ADRA2C: variants seen among roughly 807,000 people sequenced by gnomAD.
ADRA2C encodes adrenoceptor alpha 2C.
Under a neutral mutation model 7.9 loss-of-function variants are expected in ADRA2C, and 4 were observed. The observed-to-expected ratio is 0.51, with a 90% CI of 0.25 to 1.16. The LOEUF is 1.16. Among genes scored for constraint, ADRA2C ranks in the 50% most tolerant of loss-of-function variants. ADRA2C has a pLI of 0.15. For synonymous variants in ADRA2C, 368 were observed against 328.9 expected (o/e 1.12, Z -1.29); for missense variants, 589 against 677.7 (o/e 0.87, Z 1.45).
chr4:3,766,497 G>A lies in ADRA2C; in HGVS notation c.-110G>A. 1.2e-6 allele frequency: 1 copy of A among 810,146 alleles called. No individual in the cohort carries two copies. The highest frequency in any genetic ancestry group is 1.9e-5 in the African/African-American group (1 of 53,402). 50.2% of individuals were successfully genotyped at this position (810,146 alleles called of 1,614,324 possible). A position where few individuals can be genotyped will look rare whatever the true frequency, so the allele number is the denominator to read the frequency against. The stretch of plus-strand genomic sequence containing the variant: ...CTGGGCGCCGCGGTCCCCGGCGGGC[G>A]CGCCCGAGCAGCAGGCGGCGATGCG... On this transcript the variant is annotated 5_prime_UTR_variant, in exon 1 of 1. Transcript: ENST00000330055. This position sits in a 1 kb window ranked among gnomAD's most constrained non-coding sequence, Gnocchi z 4.5.
rs1577304172 is a variant in ADRA2C at position 3,766,583 on chromosome 4, G to C, written c.-24G>C. 3 of 1,158,512 alleles carry C rather than the reference G, an allele frequency of 2.6e-6. No individual in the cohort carries two copies. The East Asian group carries it at 1.2e-4, about 48-fold the overall frequency. 71.8% of individuals were successfully genotyped at this position (1,158,512 alleles called of 1,614,324 possible). ...GCGGCTGCGCCCCGGCTCCAGGAGG[G>C]ACGGCGTAGCTCGCGGGAGGACCAT... On this transcript the variant is annotated 5_prime_UTR_variant, in exon 1 of 1. Coordinates refer to ENST00000330055, the MANE Select transcript of ADRA2C (RefSeq NM_000683.4). The surrounding 1 kb of genome is among the most constrained non-coding windows in gnomAD (Gnocchi z 4.5).
Position 3,767,041 on chromosome 4 carries a change from C to T in ADRA2C, c.435C>T (p.Ile145=). 1 of 1,611,422 alleles carries T rather than the reference C, an allele frequency of 6.2e-7. No homozygotes were observed. Among genetic ancestry groups the T allele is most frequent in the South Asian group, 1.1e-5 (1 of 91,088 alleles). The part of the protein sequence containing the change: ...CTSSIVHLCA[I]SLDRYWSVTQ... ...CGTCGATCGTGCATCTGTGTGCCAT[C>T]AGCCTGGACCGCTACTGGTCGGTGA... The change falls in exon 1 of 1, where the codon ATC becomes ATT. Residue 145 remains isoleucine, a synonymous_variant. Coordinates refer to ENST00000330055, the MANE Select transcript of ADRA2C (RefSeq NM_000683.4).
chr4:3,767,421 A>G lies in ADRA2C; in HGVS notation c.815A>G (p.Glu272Gly). ...CTGGGCGCGGCGGCAGGCGCAGGCGAGAACGGGCACTGCGCGCCCCCGCCC... is the reference window on the plus strand; with the variant it reads ...CTGGGCGCGGCGGCAGGCGCAGGCGGGAACGGGCACTGCGCGCCCCCGCCC... ...NGLGAAAGAGENGHCAPPPAD... is the reference protein window; with the variant it reads ...NGLGAAAGAGGNGHCAPPPAD... The change falls in exon 1 of 1, where the codon GAG becomes GGG. Residue 272 changes from glutamate to glycine, a missense_variant. Physicochemically the swap from Glu to Gly is moderately conservative, Grantham distance 98 (BLOSUM62 -2). Transcript: ENST00000330055. 6.5e-7 allele frequency: 1 copy of G among 1,527,992 alleles called. No homozygotes were observed. Among genetic ancestry groups the G allele is most frequent in the Non-Finnish European group, 8.7e-7 (1 of 1,143,176 alleles). 94.7% of individuals were successfully genotyped at this position (1,527,992 alleles called of 1,614,324 possible). A position where few individuals can be genotyped will look rare whatever the true frequency, so the allele number is the denominator to read the frequency against.
At position 3,766,756 on chromosome 4, in the gene ADRA2C, G is replaced by C. The variant is rs760989411; in HGVS notation, c.150G>C (p.Ala50=). 5.2e-6 allele frequency: 8 copies of C among 1,527,252 alleles called. No homozygotes were observed. The highest frequency in any genetic ancestry group is 7.0e-6 in the Non-Finnish European group (8 of 1,135,264). 94.6% of individuals were successfully genotyped at this position (1,527,252 alleles called of 1,614,324 possible). The part of the protein sequence containing the change: ...GPPRGQYSAG[A]VAGLAAVVGF... ...CGCGCGGCCAGTACTCGGCGGGCGC[G>C]GTGGCAGGGCTGGCTGCCGTGGTGG... The change falls in exon 1 of 1, where the codon GCG becomes GCC. Residue 50 remains alanine (A), a synonymous_variant. Transcript: ENST00000330055. This position sits in a 1 kb window ranked among gnomAD's most constrained non-coding sequence, Gnocchi z 4.5.
In ADRA2C at chr4:3,767,499, G is replaced by A; in HGVS notation, c.893G>A (p.Arg298Gln). The A allele has an allele frequency of 8.8e-7, 1 of 1,141,108 alleles. No individual in the cohort carries two copies. The highest frequency in any genetic ancestry group is 1.1e-6 in the Non-Finnish European group (1 of 930,788). The allele number at this position is 1,141,108 out of a possible 1,614,324, so 70.7% of individuals were successfully genotyped here. Reference protein sequence around the residue: ...SSAAAERRRRRGALRRGGRRR... With the variant: ...SSAAAERRRRQGALRRGGRRR... ...GCAGCGGCCGAGAGGCGGCGGCGCC[G>A]GGGCGCGTTGCGGCGGGGCGGGCGG... is the stretch of plus-strand genomic sequence containing the variant. Residue 298 changes from arginine to glutamine, a missense_variant, in exon 1 of 1, where the codon CGG (arginine) becomes CAG (glutamine). Transcript: ENST00000330055.
chr4:3,767,206 G>T lies in ADRA2C; in HGVS notation c.600G>T (p.Pro200=). ...LYRQPDGAAY[P]QCGLNDETWY... ...GCCAGCCCGACGGCGCCGCCTACCC[G>T]CAGTGCGGCCTCAACGACGAGACCT... The change falls in exon 1 of 1, where the codon CCG becomes CCT. Residue 200 remains proline, a synonymous_variant. Coordinates refer to ENST00000330055, the MANE Select transcript of ADRA2C (RefSeq NM_000683.4). 15 of 1,610,402 alleles carry T rather than the reference G, an allele frequency of 9.3e-6. No individual in the cohort carries two copies. The highest frequency in any genetic ancestry group is 1.7e-5 in the Admixed American group (1 of 59,884).
rs527926159 is a variant in ADRA2C, at chr4:3,767,080, G to A, written c.474G>A (p.Glu158=). ...DRYWSVTQAV[E]YNLKRTPRRV... is the part of the protein sequence containing the mutation. ...ACTGGTCGGTGACGCAGGCCGTCGA[G>A]TACAACCTGAAGCGCACACCACGCC... The change falls in exon 1 of 1, where the codon GAG becomes GAA. Residue 158 remains glutamate (E), a synonymous_variant. Coordinates refer to ENST00000330055, the MANE Select transcript of ADRA2C (RefSeq NM_000683.4). 2 of 1,610,498 alleles carry A rather than the reference G, an allele frequency of 1.2e-6. No homozygotes were observed. The highest frequency in any genetic ancestry group is 1.1e-5 in the South Asian group (1 of 91,086).
rs915606969 is a variant in ADRA2C, at chr4:3,767,554, C to A, written c.948C>A (p.Gly316=). 1.9e-6 allele frequency: 2 copies of A among 1,059,160 alleles called. No individual in the cohort carries two copies. Among genetic ancestry groups the A allele is most frequent in the African/African-American group, 1.7e-5 (1 of 59,572 alleles). The allele number at this position is 1,059,160 out of a possible 1,614,324, so 65.6% of individuals were successfully genotyped here. A position where few individuals can be genotyped will look rare whatever the true frequency, so the allele number is the denominator to read the frequency against. The change falls in exon 1 of 1, where the codon GGC becomes GGA. Residue 316 remains glycine (G), a synonymous_variant. Transcript: ENST00000330055. ...GAGCGGGCGCGGAGGGGGGCGCGGG[C>A]GGTGCGGACGGGCAGGGGGCGGGGC... is the stretch of plus-strand genomic sequence containing the variant. ...RRRAGAEGGA[G]GADGQGAGPG...
In ADRA2C at chr4:3,767,448, C is replaced by T. The variant is rs1306630441; in HGVS notation, c.842C>T (p.Ala281Val). The change falls in exon 1 of 1, where the codon GCC becomes GTC. Residue 281 changes from alanine to valine, a missense_variant. Coordinates refer to ENST00000330055, the MANE Select transcript of ADRA2C (RefSeq NM_000683.4). ...GENGHCAPPPADVEPDESSAA... is the reference protein window; with the variant it reads ...GENGHCAPPPVDVEPDESSAA... ...AACGGGCACTGCGCGCCCCCGCCCG[C>T]CGACGTGGAGCCGGACGAGAGCAGC... The T allele has an allele frequency of 6.7e-7, 1 of 1,496,092 alleles. No individual in the cohort carries two copies. Among genetic ancestry groups the T allele is most frequent in the Non-Finnish European group, 8.8e-7 (1 of 1,133,044 alleles). 92.7% of individuals were successfully genotyped at this position (1,496,092 alleles called of 1,614,324 possible).
rs779094407 is a variant in ADRA2C, at chr4:3,767,608, C to T, written c.1002C>T (p.Thr334=). 2.3e-6 allele frequency: 3 copies of T among 1,315,012 alleles called. No individual in the cohort carries two copies. Among genetic ancestry groups the T allele is most frequent in the Non-Finnish European group, 2.9e-6 (3 of 1,039,420 alleles). 81.5% of individuals were successfully genotyped at this position (1,315,012 alleles called of 1,614,324 possible). The change falls in exon 1 of 1, where the codon ACC becomes ACT. Residue 334 remains threonine, a synonymous_variant. Transcript: ENST00000330055. ...GPGAAESGAL[T]ASRSPGPGGR... is the part of the protein sequence containing the mutation. ...GGGCGGCTGAGTCGGGGGCGCTGAC[C>T]GCCTCCAGGTCCCCGGGGCCCGGTG...
rs1735502586 is a variant in ADRA2C, at chr4:3,768,155, C to T, written c.*160C>T. ...GGAGCTTGGCAGAGAGATAGCCGGG[C>T]TCCAGGGAGTGGGGAGGAGAGAGGG... is the stretch of plus-strand genomic sequence containing the variant. On this transcript the variant is annotated 3_prime_UTR_variant, in exon 1 of 1. Transcript: ENST00000330055. 2.6e-6 allele frequency: 2 copies of T among 762,538 alleles called. No homozygotes were observed. Among genetic ancestry groups the T allele is most frequent in the African/African-American group, 1.7e-5 (1 of 57,852 alleles). 47.2% of individuals were successfully genotyped at this position (762,538 alleles called of 1,614,324 possible).
chr4:3,768,062 G>GGGGGAGCCTTCCCAGAGACCC lies in ADRA2C; in HGVS notation c.*74_*75insCTTCCCAGAGACCCGGGGAGC. On this transcript the variant is annotated 3_prime_UTR_variant, in exon 1 of 1. Transcript: ENST00000330055. Reference sequence around the variant, plus strand: ...GCTGGGCAGAAGGGGCGGCCCGGACGGGGGAGCTTTCCCAGAGACCCGGGG... The same window carrying GGGGGAGCCTTCCCAGAGACCC: ...GCTGGGCAGAAGGGGCGGCCCGGACGGGGGAGCCTTCCCAGAGACCCGGGGAGCTTTCCCAGAGACCCGGGG... 8.6e-7 allele frequency: 1 copy of GGGGGAGCCTTCCCAGAGACCC among 1,157,758 alleles called. No individual in the cohort carries two copies. The highest frequency in any genetic ancestry group is 1.9e-5 in the South Asian group (1 of 52,200). 71.7% of individuals were successfully genotyped at this position (1,157,758 alleles called of 1,614,324 possible).
chr4:3,768,288 A>G lies in ADRA2C; in HGVS notation c.*293A>G, dbSNP rs1403237556. On this transcript the variant is annotated 3_prime_UTR_variant, in exon 1 of 1. Transcript: ENST00000330055. ...GGTGTGGCTGTGAGGTCAGGGTTTTAGAGAGCAGTGGCAGAGGTAGCCCCC... is the reference window on the plus strand; with the variant it reads ...GGTGTGGCTGTGAGGTCAGGGTTTTGGAGAGCAGTGGCAGAGGTAGCCCCC... 3 of 717,200 alleles carry G rather than the reference A, an allele frequency of 4.2e-6. No individual in the cohort carries two copies. Among genetic ancestry groups the G allele is most frequent in the African/African-American group, 1.7e-5 (1 of 57,376 alleles). The allele number at this position is 717,200 out of a possible 1,614,324, so 44.4% of individuals were successfully genotyped here.
Position 3,766,959 on chromosome 4 carries a change from A to G in ADRA2C, c.353A>G (p.Tyr118Cys). The G allele has an allele frequency of 6.2e-7, 1 of 1,611,032 alleles. No individual in the cohort carries two copies. The highest frequency in any genetic ancestry group is 1.6e-4 in the Middle Eastern group (1 of 6,062). ...SLANELMAYW[Y>C]FGQVWCGVYL... is the part of the protein sequence containing the mutation. The stretch of plus-strand genomic sequence containing the variant: ...GCCAACGAGCTCATGGCCTACTGGT[A>G]CTTCGGGCAGGTGTGGTGCGGCGTG... Residue 118 changes from tyrosine (Y) to cysteine (C), a missense_variant, in exon 1 of 1, where the codon TAC (tyrosine) becomes TGC (cysteine). Transcript: ENST00000330055. The surrounding 1 kb of genome is among the most constrained non-coding windows in gnomAD (Gnocchi z 4.5).
chr4:3,768,071 T>TGCCCAGAGACCCGGGGAGCTC lies in ADRA2C; in HGVS notation c.*76_*77insGCCCAGAGACCCGGGGAGCTC. On this transcript the variant is annotated 3_prime_UTR_variant, in exon 1 of 1. Coordinates refer to ENST00000330055, the MANE Select transcript of ADRA2C (RefSeq NM_000683.4). ...AAGGGGCGGCCCGGACGGGGGAGCT[T>TGCCCAGAGACCCGGGGAGCTC]TCCCAGAGACCCGGGGATGGATTGG... The TGCCCAGAGACCCGGGGAGCTC allele has an allele frequency of 6.8e-7, 1 of 1,473,146 alleles. No individual in the cohort carries two copies. The highest frequency in any genetic ancestry group is 9.2e-7 in the Non-Finnish European group (1 of 1,087,090). 91.3% of individuals were successfully genotyped at this position (1,473,146 alleles called of 1,614,324 possible).
Position 3,768,121 on chromosome 4 carries a change from G to A in ADRA2C, c.*126G>A, listed in dbSNP as rs751046927. On this transcript the variant is annotated 3_prime_UTR_variant, in exon 1 of 1. Transcript: ENST00000330055. ...GCCTCCAGGGCGCAGGGGAGGGTGC[G>A]GCAGGGCAGGAGCTTGGCAGAGAGA... The A allele has an allele frequency of 3.5e-5, 18 of 508,992 alleles. No homozygotes were observed. In the Admixed American group the frequency reaches 4.8e-4, roughly 14 times the overall value. 31.5% of individuals were successfully genotyped at this position (508,992 alleles called of 1,614,324 possible).
chr4:3,767,761 T>G lies in ADRA2C; in HGVS notation c.1155T>G (p.Ala385=), dbSNP rs1735488320. ...AGAAGCGCTTCACCTTTGTGCTGGC[T>G]GTGGTCATGGGCGTGTTCGTGCTCT... The part of the protein sequence containing the change: ...AREKRFTFVL[A]VVMGVFVLCW... Residue 385 remains alanine (A), a synonymous_variant, in exon 1 of 1, where the codon GCT becomes GCG. Coordinates refer to ENST00000330055, the MANE Select transcript of ADRA2C (RefSeq NM_000683.4). 6.2e-7 allele frequency: 1 copy of G among 1,613,060 alleles called. No homozygotes were observed. Among genetic ancestry groups the G allele is most frequent in the Non-Finnish European group, 8.5e-7 (1 of 1,179,804 alleles).
In ADRA2C at chr4:3,767,132, T is replaced by C. The variant is rs1472843513; in HGVS notation, c.526T>C (p.Trp176Arg). Residue 176 changes from tryptophan (W) to arginine (R), a missense_variant, in exon 1 of 1, where the codon TGG becomes CGG. Coordinates refer to ENST00000330055, the MANE Select transcript of ADRA2C (RefSeq NM_000683.4). ...RRVKATIVAV[W>R]LISAVISFPP... The stretch of plus-strand genomic sequence containing the variant: ...CGTCAAGGCCACCATCGTGGCCGTG[T>C]GGCTCATCTCGGCCGTCATCTCCTT... 1 of 1,608,992 alleles carries C rather than the reference T, an allele frequency of 6.2e-7. No individual in the cohort carries two copies. The highest frequency in any genetic ancestry group is 8.5e-7 in the Non-Finnish European group (1 of 1,179,824).
rs777061040 is a variant in ADRA2C at position 3,766,867 on chromosome 4, C to G, written c.261C>G (p.Asn87Lys). 6.2e-7 allele frequency: 1 copy of G among 1,604,710 alleles called. No individual in the cohort carries two copies. Among genetic ancestry groups the G allele is most frequent in the East Asian group, 2.2e-5 (1 of 44,534 alleles). ...GCCGGGCGCTGCGCGCGCCACAGAA[C>G]CTCTTCCTGGTGTCGCTGGCCTCGG... ...LTSRALRAPQ[N>K]LFLVSLASAD... is the part of the protein sequence containing the mutation. Residue 87 changes from asparagine to lysine, a missense_variant, in exon 1 of 1, where the codon AAC becomes AAG. By Grantham distance (94) the Asn-to-Lys change is moderately conservative (BLOSUM62 0). Transcript: ENST00000330055. The surrounding 1 kb of genome is among the most constrained non-coding windows in gnomAD (Gnocchi z 4.5).
Sources: gnomAD v4.1 joint callset for allele counts on GRCh38, gnomAD v4.1.1 for gene constraint, Gnocchi (gnomAD v3.1) non-coding constraint, MANE v1.5 for transcripts, NCBI Gene and HGNC (gene_info 2026-07-23, HGNC 2026-07-21) for gene names.